Variants in LRP1B observed in about 807,000 individuals in gnomAD.
LRP1B encodes the protein LDL receptor related protein 1B.
A neutral mutation model predicts 556.6 loss-of-function variants in LRP1B; 217 were observed. The ratio of observed to expected loss-of-function variants is 0.39; its 90% CI spans 0.35 to 0.44. The LOEUF is 0.44. Ranked by LOEUF, LRP1B falls within the 20% of genes least tolerant of loss-of-function variation. The pLI, the probability that LRP1B is intolerant of heterozygous loss-of-function variation, is 1.00. For synonymous variants in LRP1B, 2,047 were observed against 1,865.8 expected, an observed-to-expected ratio of 1.10 and a Z score of -2.50; for missense variants, 5,053 against 5,620.8, an observed-to-expected ratio of 0.90 and a Z score of 3.23.
chr2:141,770,082 T>G (rs1408166406), intron 2 of LRP1B, among the ~76,000 whole-genome samples: 2 of 152,102 alleles, frequency 1.3e-5, no homozygotes, highest in Non-Finnish European at 2.9e-5. Flanking sequence ...ATCATACTGA[T>G]TCAATTGATT....
At position 141,485,928 on chromosome 2, in the gene LRP1B, C is replaced by T. The variant is rs559065718; in HGVS notation, c.206-5395G>A. 2.8e-4 allele frequency among the ~76,000 whole-genome samples: 42 copies of T among 152,244 alleles called. No homozygotes were observed. In the East Asian group the frequency reaches 7.9e-3, roughly 29 times the overall value. ...AGGCTCTCTGGTAAACCTGGCATTA[C>T]CTCTGTAGTGACTGAATCATGAGGA... On this transcript the variant is annotated intron_variant, in intron 2 of 90. Coordinates refer to ENST00000389484, the MANE Select transcript of LRP1B (RefSeq NM_018557.3).
intron 18 of LRP1B, among the ~76,000 whole-genome samples, chr2:140,964,336 C>T (rs567293467): frequency 2.8e-4 from 43 of 152,224 alleles, no homozygotes; most frequent in African/African-American, 9.1e-4. Context: ...TAACTGCGGG[C>T]GAGCCTGACT....
intron 53 of LRP1B, among the ~76,000 whole-genome samples, chr2:140,506,062 A>T (rs1689395341): frequency 1.3e-5 from 2 of 152,184 alleles, no homozygotes; most frequent in East Asian, 3.9e-4. Context: ...AATACATCAA[A>T]ACATAAAGGG....
intron 37 of LRP1B, among the ~76,000 whole-genome samples, chr2:140,710,951 C>G (rs1444212567): frequency 2.0e-5 from 3 of 151,916 alleles, no homozygotes; most frequent in African/African-American, 7.2e-5. Context: ...AATGTGTTAT[C>G]TAATGAGAGT....
chr2:140,434,827 A>G (rs1359689836), intron 66 of LRP1B, among the ~76,000 whole-genome samples: 2 of 152,226 alleles, frequency 1.3e-5, no homozygotes, highest in African/African-American at 2.4e-5. Context: ...CCAAGTGTTA[A>G]TGGCTGAAAA....
In LRP1B at chr2:140,753,277, T is replaced by C. The variant is rs919219379; in HGVS notation, c.5758+15936A>G. ...TATTATAGCTATAACAATTACATAA[T>C]GTTTGTACACTCATTTAAAGGCTTG... On this transcript the variant is annotated intron_variant, in intron 35 of 90. Coordinates refer to ENST00000389484, the MANE Select transcript of LRP1B (RefSeq NM_018557.3). Among the ~76,000 whole-genome samples the C allele has an allele frequency of 3.3e-5, 5 of 152,346 alleles. No homozygotes were observed. In the East Asian group the frequency reaches 5.8e-4, roughly 18 times the overall value.
intron 60 of LRP1B, among the ~76,000 whole-genome samples, chr2:140,470,277 G>C (rs1687707397): frequency 6.6e-6 from 1 of 152,150 alleles, no homozygotes; most frequent in Non-Finnish European, 1.5e-5. Flanking sequence ...GAATGAGAAA[G>C]CATTTAATTA....
At chr2:141,886,250 G>A (rs1335080397) in intron 1 of LRP1B, among the ~76,000 whole-genome samples, 1 of 152,034 alleles carries the variant, frequency 6.6e-6, no homozygotes, top group Non-Finnish European at 1.5e-5. Context: ...TATTTTTTCA[G>A]TTGTTAGTAT....
intron 6 of LRP1B, among the ~76,000 whole-genome samples, chr2:141,206,924 G>A (rs1466917949): frequency 6.6e-6 from 1 of 152,154 alleles, no homozygotes; most frequent in East Asian, 1.9e-4. Flanking sequence ...AAGAAGTAGT[G>A]TGTGTCATAA....
intron 35 of LRP1B, among the ~76,000 whole-genome samples, chr2:140,766,205 T>A (rs10928068): frequency 0.39 from 53,093 of 136,432 alleles, 9,382 homozygotes; most frequent in Admixed American, 0.43. Flanking sequence ...GGTCATGATT[T>A]AAAAAAAAAG....
intron 1 of LRP1B, among the ~76,000 whole-genome samples, chr2:141,969,765 G>A (rs1323718768): frequency 1.3e-5 from 2 of 151,530 alleles, no homozygotes; most frequent in African/African-American, 4.8e-5. Context: ...GTAAATCCTG[G>A]TAGAGGGATT....
chr2:140,258,866 A>C (rs1216389854), intron 86 of LRP1B, among the ~76,000 whole-genome samples: 1 of 152,126 alleles, frequency 6.6e-6, no homozygotes, highest in African/African-American at 2.4e-5. Flanking sequence ...TAATTGAAAA[A>C]TCTTTGTCTT....
At chr2:142,084,053 C>T (rs939073519) in intron 1 of LRP1B, among the ~76,000 whole-genome samples, 15 of 150,730 alleles carry the variant, frequency 1.0e-4, no homozygotes, top group Non-Finnish European at 4.4e-5. Flanking sequence ...GATCTTGGCT[C>T]GCTGCAACCT....
At chr2:141,346,092 GT>G (rs1219142082) in intron 3 of LRP1B, among the ~76,000 whole-genome samples, 1 of 151,640 alleles carries the variant, frequency 6.6e-6, no homozygotes, top group Non-Finnish European at 1.5e-5. Context: ...TAAAATAATA[GT>G]TTTTTTAAGT....
At chr2:141,872,618 T>C (rs1308764866) in intron 1 of LRP1B, among the ~76,000 whole-genome samples, 1 of 151,884 alleles carries the variant, frequency 6.6e-6, no homozygotes, top group African/African-American at 2.4e-5. Context: ...CAGTTTTAAG[T>C]AGTTTACTAT....
chr2:141,234,402 A>C (rs1683579732), intron 5 of LRP1B, among the ~76,000 whole-genome samples: 1 of 152,024 alleles, frequency 6.6e-6, no homozygotes, highest in African/African-American at 2.4e-5. Flanking sequence ...TTTGAGACAG[A>C]GTCTTGCTCT....
At chr2:141,174,945 G>A (rs1680670575) in intron 7 of LRP1B, among the ~76,000 whole-genome samples, 1 of 152,074 alleles carries the variant, frequency 6.6e-6, no homozygotes, top group African/African-American at 2.4e-5. Context: ...GAACTTACTG[G>A]GAACTAGAGT....
chr2:141,544,550 G>A (rs1345730884), intron 2 of LRP1B, among the ~76,000 whole-genome samples: 3 of 151,584 alleles, frequency 2.0e-5, no homozygotes, highest in African/African-American at 7.3e-5. Flanking sequence ...CAAACTGTTA[G>A]GATTATAGGT....
intron 6 of LRP1B, among the ~76,000 whole-genome samples, chr2:141,207,378 A>C (rs1484450134): frequency 6.6e-6 from 1 of 152,210 alleles, no homozygotes; most frequent in Non-Finnish European, 1.5e-5. Context: ...ATTTTCAAAC[A>C]ATATAAAATA....
Sources: allele counts gnomAD v4.1 joint callset (sites outside exome capture counted in the v4.1 genomes callset), GRCh38; gene constraint gnomAD v4.1.1; transcripts MANE v1.5; gene names NCBI Gene and HGNC (gene_info 2026-07-23, HGNC 2026-07-21).